The following UHRF2 variants were observed in gnomAD, a reference collection of about 807,000 sequenced individuals.
The protein encoded by UHRF2 is ubiquitin like with PHD and ring finger domains 2.
Under a neutral mutation model 96.8 loss-of-function variants are expected in UHRF2, and 23 were observed. The ratio of observed to expected loss-of-function variants is 0.24; its 90% CI spans 0.17 to 0.34. UHRF2 has a LOEUF of 0.34. UHRF2 is among the 10% of genes least tolerant of loss of function. The probability of loss-of-function intolerance (pLI) is 1.00; values close to 1 mark genes in which losing one functional copy is unlikely to be tolerated. For missense variants in UHRF2, 685 were observed against 981.5 expected (o/e 0.70, Z 4.04); for synonymous variants, 385 against 332.6 (o/e 1.16, Z -1.72).
At chr9:6,453,379 G>C (rs893977652) in intron 3 of UHRF2, among the ~76,000 whole-genome samples, 11 of 152,140 alleles carry the variant, frequency 7.2e-5, no homozygotes, top group Admixed American at 5.2e-4. Context: ...ACAGAATGAT[G>C]ATAATGTGTT....
In UHRF2 at chr9:6,420,892, A is replaced by C. The variant is rs1020693040; in HGVS notation, c.154-20A>C. On this transcript the variant is annotated intron_variant, in intron 1 of 15. Transcript: ENST00000276893. ...ATACATTTTAGAGAAGCATTTCACT[A>C]TTCTTTCTTTATTTTCTAGTTGGAA... 12 of 1,579,736 alleles carry C rather than the reference A, an allele frequency of 7.6e-6. No homozygotes were observed. The highest frequency in any genetic ancestry group is 2.2e-5 in the East Asian group (1 of 44,726).
intron 12 of UHRF2, chr9:6,498,503 G>A (rs971899082): frequency 4.2e-5 from 7 of 166,000 alleles, no homozygotes; most frequent in Non-Finnish European, 7.7e-5. Flanking sequence ...AGAGGGCACA[G>A]GGGGTGTCTC....
At chr9:6,460,352 A>T (rs1362000796) in intron 3 of UHRF2, among the ~76,000 whole-genome samples, 2 of 152,180 alleles carry the variant, frequency 1.3e-5, no homozygotes, top group Non-Finnish European at 2.9e-5. Context: ...CCTAGTGGGA[A>T]TGGGGAGACA....
At chr9:6,434,207 A>T (rs1440823225) in intron 3 of UHRF2, 34 bp downstream of exon 3, 1 of 1,568,402 alleles carries the variant, frequency 6.4e-7, no homozygotes, top group South Asian at 1.2e-5. Context: ...CTTTATTCAT[A>T]TTTTCATTTG....
intron 9 of UHRF2, among the ~76,000 whole-genome samples, chr9:6,487,444 G>C (rs756029278): frequency 2.6e-5 from 4 of 152,026 alleles, no homozygotes; most frequent in Non-Finnish European, 4.4e-5. Flanking sequence ...TCGGCTTACT[G>C]CAATCTCCTC....
chr9:6,485,135 ACTCT>A (rs1275648023), intron 8 of UHRF2, among the ~76,000 whole-genome samples: 1 of 151,758 alleles, frequency 6.6e-6, no homozygotes, highest in Non-Finnish European at 1.5e-5. Context: ...TTAGTTTAAT[ACTCT>A]CTGTGTTCTC....
chr9:6,454,826 T>C (rs1822080773), intron 3 of UHRF2, among the ~76,000 whole-genome samples: 1 of 152,218 alleles, frequency 6.6e-6, no homozygotes, highest in Non-Finnish European at 1.5e-5. Context: ...AAATACTAAT[T>C]CCTGTATTTC....
At chr9:6,428,715 AATTTT>A in intron 2 of UHRF2, among the ~76,000 whole-genome samples, 5 of 151,944 alleles carry the variant, frequency 3.3e-5, no homozygotes, top group African/African-American at 1.2e-4. Flanking sequence ...ATACCCAGCT[AATTTT>A]CAATTTTTCG....
chr9:6,449,460 T>A (rs924769172), intron 3 of UHRF2: 3 of 152,270 alleles, frequency 2.0e-5, no homozygotes, highest in Non-Finnish European at 2.9e-5. Flanking sequence ...TAGTTCTCCT[T>A]TCTTTCCCTG....
chr9:6,445,695 T>C (rs191121193), intron 3 of UHRF2, among the ~76,000 whole-genome samples: 2 of 152,138 alleles, frequency 1.3e-5, no homozygotes, highest in Admixed American at 1.3e-4. Flanking sequence ...GTAGCTGGGA[T>C]CACAGGTGCA....
At chr9:6,425,703 CG>C (rs1192680761) in intron 2 of UHRF2, among the ~76,000 whole-genome samples, 4 of 151,900 alleles carry the variant, frequency 2.6e-5, no homozygotes, top group Non-Finnish European at 5.9e-5. Flanking sequence ...GCAGAGGTTA[CG>C]GGGAGCCGAG....
intron 4 of UHRF2, among the ~76,000 whole-genome samples, chr9:6,471,263 A>C (rs991943424): frequency 6.6e-6 from 1 of 152,156 alleles, no homozygotes; most frequent in Non-Finnish European, 1.5e-5. Flanking sequence ...CCTGTGTAGT[A>C]TCAGTGGCTG....
chr9:6,484,320 C>G (rs1587860351), intron 8 of UHRF2, among the ~76,000 whole-genome samples: 1 of 152,042 alleles, frequency 6.6e-6, no homozygotes, highest in East Asian at 1.9e-4. Flanking sequence ...AAGCAGTACT[C>G]CAGCCTTGGC....
chr9:6,474,914 A>G (rs995801617), intron 4 of UHRF2, among the ~76,000 whole-genome samples: 9 of 152,316 alleles, frequency 5.9e-5, no homozygotes, highest in African/African-American at 2.2e-4. Flanking sequence ...TTTTTTAAAT[A>G]AATTGTTACA....
chr9:6,428,570 T>C (rs1428028280), intron 2 of UHRF2, among the ~76,000 whole-genome samples: 1 of 107,614 alleles, frequency 9.3e-6, no homozygotes, highest in Non-Finnish European at 1.9e-5. Context: ...TTTTTTTTTT[T>C]TGAACGATCT....
intron 1 of UHRF2, among the ~76,000 whole-genome samples, chr9:6,416,050 G>C (rs1587750581): frequency 6.6e-6 from 1 of 152,066 alleles, no homozygotes; most frequent in East Asian, 1.9e-4. Context: ...AGTGTTAATT[G>C]ACTCCACTTT....
intron 4 of UHRF2, among the ~76,000 whole-genome samples, chr9:6,462,804 C>G (rs1334315603): frequency 6.6e-6 from 1 of 152,128 alleles, no homozygotes; most frequent in Non-Finnish European, 1.5e-5. Flanking sequence ...GTAGTCCCAG[C>G]TACATGGGTG....
chr9:6,493,261 G>A (rs1220516562), intron 9 of UHRF2, among the ~76,000 whole-genome samples: 4 of 152,012 alleles, frequency 2.6e-5, no homozygotes, highest in Non-Finnish European at 5.9e-5. Flanking sequence ...TCGTGCCACC[G>A]CACTCCAGCC....
chr9:6,490,026 A>C (rs1256477691), intron 9 of UHRF2, among the ~76,000 whole-genome samples: 1 of 152,198 alleles, frequency 6.6e-6, no homozygotes, highest in Non-Finnish European at 1.5e-5. Context: ...GAAATACAAA[A>C]GATGTTATAT....
Sources: allele counts gnomAD v4.1 joint callset (sites outside exome capture counted in the v4.1 genomes callset), GRCh38; gene constraint gnomAD v4.1.1; transcripts MANE v1.5; gene names NCBI Gene and HGNC (gene_info 2026-07-23, HGNC 2026-07-21).